APPL1: variants seen among roughly 807,000 people sequenced by gnomAD.
The protein encoded by APPL1 is DCC-interacting protein 13-alpha.
In APPL1, 42 loss-of-function variants were observed where a neutral mutation model predicts 106.8. That is an observed-to-expected ratio of 0.39 (90% CI 0.31 to 0.51). The LOEUF is 0.51. APPL1 is among the 20% of genes least tolerant of loss of function. The pLI, the probability that APPL1 is intolerant of heterozygous loss-of-function variation, is 0.75. For missense variants in APPL1, 769 were observed against 858.2 expected, an observed-to-expected ratio of 0.90 and a Z score of 1.30; for synonymous variants, 263 against 281.8, an observed-to-expected ratio of 0.93 and a Z score of 0.67.
chr3:57,266,184 T>G (rs2060893584), intron 19 of APPL1, among the ~76,000 whole-genome samples: 1 of 152,232 alleles, frequency 6.6e-6, no homozygotes, highest in African/African-American at 2.4e-5. Context: ...TGTCTGGTTT[T>G]GGTATCAGGT....
Position 57,260,616 on chromosome 3 carries a change from T to C in APPL1, c.1696-12T>C. 1 of 1,599,072 alleles carries C rather than the reference T, an allele frequency of 6.3e-7. No individual in the cohort carries two copies. The highest frequency in any genetic ancestry group is 8.5e-7 in the Non-Finnish European group (1 of 1,171,856). The stretch of plus-strand genomic sequence containing the variant: ...AAGATCTCATGTTTGCTTCTGATGT[T>C]TTCTGTGGCAGTTTCCATTACCTTG... On this transcript the variant is annotated splice_polypyrimidine_tract_variant and intron_variant, in intron 18 of 21. Coordinates refer to ENST00000288266, the MANE Select transcript of APPL1 (RefSeq NM_012096.3).
intron 20 of APPL1, 89 bp downstream of exon 20, chr3:57,267,881 C>T (rs777359863): frequency 8.7e-6 from 12 of 1,377,918 alleles, no homozygotes; most frequent in Admixed American, 6.9e-5. Context: ...GACTTGAGGT[C>T]AGGAGTTCGA....
intron 5 of APPL1, among the ~76,000 whole-genome samples, chr3:57,241,519 A>G (rs1559508406): frequency 6.6e-6 from 1 of 152,212 alleles, no homozygotes; most frequent in Non-Finnish European, 1.5e-5. Context: ...TATTTAAATT[A>G]TACATGGAAT....
chr3:57,232,709 A>G (rs369445101), intron 1 of APPL1, among the ~76,000 whole-genome samples: 7 of 152,266 alleles, frequency 4.6e-5, no homozygotes, highest in African/African-American at 1.7e-4. Context: ...TCGAGTTGAA[A>G]AGTGGTTCAT....
chr3:57,234,604 T>A (rs886752622), intron 1 of APPL1, among the ~76,000 whole-genome samples: 4 of 149,748 alleles, frequency 2.7e-5, no homozygotes, highest in Non-Finnish European at 5.9e-5. Flanking sequence ...GGCCTGACAT[T>A]CTTAACATTT....
intron 1 of APPL1, among the ~76,000 whole-genome samples, chr3:57,229,472 G>C (rs111383183): frequency 1.3e-5 from 2 of 151,124 alleles, no homozygotes; most frequent in African/African-American, 4.9e-5. Context: ...CTTAAGAATT[G>C]TGGTTTTTTT....
intron 12 of APPL1, among the ~76,000 whole-genome samples, chr3:57,253,084 G>A (rs1032675410): frequency 1.3e-5 from 2 of 152,148 alleles, no homozygotes. Flanking sequence ...CAAAATATTT[G>A]TTTAGATTAG....
intron 8 of APPL1, 24 bp from the exon 9 acceptor site, chr3:57,247,371 T>A (rs751873311): frequency 1.4e-6 from 2 of 1,409,006 alleles, no homozygotes; most frequent in Admixed American, 3.5e-5. Flanking sequence ...TATTGTTCAA[T>A]TCCCCCCACT....
At chr3:57,238,277 A>C (rs2060726857) in intron 4 of APPL1, 161 bp downstream of exon 4, 13 of 534,864 alleles carry the variant, frequency 2.4e-5, no homozygotes, top group Non-Finnish European at 3.9e-5. Context: ...TACTTTCTTT[A>C]CCTGATTAAA....
rs1189871336 is a variant in APPL1 at position 57,247,316 on chromosome 3, G to T, written c.622-79G>T. 6.4e-6 allele frequency: 5 copies of T among 778,728 alleles called. No individual in the cohort carries two copies. The East Asian group carries it at 1.0e-4, about 16-fold the overall frequency. 48.2% of individuals were successfully genotyped at this position (778,728 alleles called of 1,614,324 possible). A position where few individuals can be genotyped will look rare whatever the true frequency, so the allele number is the denominator to read the frequency against. ...TTTTTACTTAACCATGTGTCTTAGAGATTGTTTATATGATTTACTTTAAGT... is the reference window on the plus strand; with the variant it reads ...TTTTTACTTAACCATGTGTCTTAGATATTGTTTATATGATTTACTTTAAGT... On this transcript the variant is annotated intron_variant, in intron 8 of 21. Coordinates refer to ENST00000288266, the MANE Select transcript of APPL1 (RefSeq NM_012096.3).
chr3:57,259,695 A>G, intron 16 of APPL1, 150 bp from the exon 17 acceptor site: 1 of 604,564 alleles, frequency 1.7e-6, no homozygotes, highest in Non-Finnish European at 2.7e-6. Context: ...TTATTTTGAA[A>G]TGTCTCCCTT....
rs1579414409 is a variant in APPL1, at chr3:57,272,608, G to C, written c.*2921G>C. On this transcript the variant is annotated 3_prime_UTR_variant, in exon 22 of 22. Coordinates refer to ENST00000288266, the MANE Select transcript of APPL1 (RefSeq NM_012096.3). ...CCACCTGAATAAAATGAAAAAAAAA[G>C]TGTTTTTTTGAGACAGAGTCTTGCT... The C allele has an allele frequency of 6.6e-6, 1 of 151,570 alleles. No individual in the cohort carries two copies. The allele number at this position is 151,570 out of a possible 1,614,324, so 9.4% of individuals were successfully genotyped here.
At chr3:57,234,902 G>A (rs1458462867) in intron 1 of APPL1, among the ~76,000 whole-genome samples, 1 of 152,098 alleles carries the variant, frequency 6.6e-6, no homozygotes, top group African/African-American at 2.4e-5. Flanking sequence ...TGATCTGCCT[G>A]CCTCGGCCTC....
At chr3:57,242,371 G>T (rs769925788) in intron 6 of APPL1, among the ~76,000 whole-genome samples, 1 of 152,016 alleles carries the variant, frequency 6.6e-6, no homozygotes, top group African/African-American at 2.4e-5. Flanking sequence ...GCCTAAAGAG[G>T]TAGTGTAATA....
intron 15 of APPL1, 132 bp from the exon 16 acceptor site, chr3:57,258,896 T>G (rs1386757733): frequency 1.1e-5 from 7 of 616,912 alleles, no homozygotes; most frequent in Non-Finnish European, 2.0e-5. Flanking sequence ...TGATCAATAG[T>G]GTTTCTTAAT....
intron 6 of APPL1, among the ~76,000 whole-genome samples, chr3:57,242,591 G>A (rs1440213187): frequency 2.0e-5 from 3 of 152,092 alleles, no homozygotes; most frequent in East Asian, 1.9e-4. Context: ...TCTAAGCTGC[G>A]TTTGCTATTT....
chr3:57,263,453 TC>T (rs1168652037), intron 19 of APPL1, among the ~76,000 whole-genome samples: 1 of 148,900 alleles, frequency 6.7e-6, no homozygotes, highest in Non-Finnish European at 1.5e-5. Flanking sequence ...GTTCTCTGGC[TC>T]CATGAGTTCA....
chr3:57,268,602 T>G, intron 21 of APPL1, 115 bp downstream of exon 21: 1 of 1,217,444 alleles, frequency 8.2e-7, no homozygotes, highest in Non-Finnish European at 1.1e-6. Context: ...GTTCAGCCAC[T>G]TCATAAACAG....
At position 57,242,885 on chromosome 3, in the gene APPL1, C is replaced by T. The variant is rs771374115; in HGVS notation, c.445C>T (p.Arg149Cys). Residue 149 changes from arginine to cysteine, a missense_variant, in exon 7 of 22, where the codon CGT becomes TGT. Transcript: ENST00000288266. ...TGATGCTGCGATTAATAGATATAGC[C>T]GTTTATCAAAAAAAAGAGAAAATGA... ...DHDAAINRYS[R>C]LSKKRENDKV... The T allele has an allele frequency of 1.9e-6, 3 of 1,610,718 alleles. No homozygotes were observed. Among genetic ancestry groups the T allele is most frequent in the East Asian group, 2.2e-5 (1 of 44,824 alleles).
Sources: gnomAD v4.1 joint callset for allele counts (sites outside exome capture counted in the v4.1 genomes callset) on GRCh38, gnomAD v4.1.1 for gene constraint, MANE v1.5 for transcripts, NCBI Gene and HGNC (gene_info 2026-07-23, HGNC 2026-07-21) for gene names.